Variants in LRRTM1 observed in about 807,000 individuals in gnomAD.
LRRTM1 encodes the protein leucine rich repeat transmembrane neuronal 1.
In LRRTM1, 8 loss-of-function variants were observed where a neutral mutation model predicts 37.3. The ratio of observed to expected loss-of-function variants is 0.21; its 90% CI spans 0.13 to 0.39. The LOEUF is 0.39. Among genes scored for constraint, LRRTM1 ranks in the 10% least tolerant of loss-of-function variants. The probability of loss-of-function intolerance (pLI) is 1.00; values close to 1 mark genes in which losing one functional copy is unlikely to be tolerated. For missense variants in LRRTM1, 557 were observed against 691.0 expected (o/e 0.81, Z 2.17); for synonymous variants, 326 against 316.8 (o/e 1.03, Z -0.31).
chr2:80,302,678 C>A lies in LRRTM1; in HGVS notation c.1142G>T (p.Arg381Leu). 1 of 1,611,918 alleles carries A rather than the reference C, an allele frequency of 6.2e-7. No homozygotes were observed. Among genetic ancestry groups the A allele is most frequent in the Non-Finnish European group, 8.5e-7 (1 of 1,179,696 alleles). Reference protein sequence around the residue: ...SGHLLSAVTNRSDLGPPASSA... With the variant: ...SGHLLSAVTNLSDLGPPASSA... ...GCTGGCAGGGGGCCCCAGATCACTG[C>A]GGTTGGTGACGGCCGAGAGCAGGTG... Residue 381 changes from arginine (R) to leucine (L), a missense_variant, in exon 2 of 2, where the codon CGC becomes CTC. By Grantham distance (102) the Arg-to-Leu change is moderately radical. Coordinates refer to ENST00000295057, the MANE Select transcript of LRRTM1 (RefSeq NM_178839.5). This position sits in a 1 kb window ranked among gnomAD's most constrained non-coding sequence, Gnocchi z 6.4.
chr2:80,299,459 A>G (rs1407107159), downstream of LRRTM1: 2 of 152,088 alleles, frequency 1.3e-5, no homozygotes, highest in East Asian at 3.9e-4. Flanking sequence ...TTGCTTGCCT[A>G]CAAAGACACA....
At chr2:80,300,279 GGGGTGT>G (rs755106957), downstream of LRRTM1, among the ~76,000 whole-genome samples, 9,414 of 127,966 alleles carry the variant, frequency 0.074, 390 homozygotes, top group South Asian at 0.11. Flanking sequence ...CTGGGGTGTT[GGGGTGT>G]GTGTGTGTGT....
At position 80,302,738 on chromosome 2, in the gene LRRTM1, T is replaced by C. The variant is rs1348150059; in HGVS notation, c.1082A>G (p.His361Arg). ...EDVLDAVYAF[H>R]LCEDGAEPTS... ...GGGCTCGGCCCCATCCTCGCACAGG[T>C]GGAAGGCGTACACGGCGTCCAGGAC... Residue 361 changes from histidine (H) to arginine (R), a missense_variant, in exon 2 of 2, where the codon CAC (histidine) becomes CGC (arginine). This residue lies in a region of LRRTM1 where 89 missense variants were observed against 80.7 expected (regional missense o/e 1.10). Coordinates refer to ENST00000295057, the MANE Select transcript of LRRTM1 (RefSeq NM_178839.5). This position sits in a 1 kb window ranked among gnomAD's most constrained non-coding sequence, Gnocchi z 6.4. The C allele has an allele frequency of 3.1e-6, 5 of 1,612,962 alleles. No homozygotes were observed. The highest frequency in any genetic ancestry group is 2.2e-5 in the East Asian group (1 of 44,832).
downstream of LRRTM1, chr2:80,299,345 C>T (rs1479776853): frequency 6.6e-6 from 1 of 152,074 alleles, no homozygotes; most frequent in Admixed American, 6.6e-5. Flanking sequence ...ACCACTTTCC[C>T]TTATTCCTGC....
At chr2:80,294,284 T>A (rs552965450) in intron 2 of LRRTM1, among the ~76,000 whole-genome samples, 8 of 152,198 alleles carry the variant, frequency 5.3e-5, no homozygotes, top group Non-Finnish European at 8.8e-5. Flanking sequence ...AATATAAGAA[T>A]AATTCTAAAC....
chr2:80,291,073 G>A (rs1160062987), intron 2 of LRRTM1, among the ~76,000 whole-genome samples: 1 of 152,156 alleles, frequency 6.6e-6, no homozygotes, highest in Non-Finnish European at 1.5e-5. Context: ...AACAAGGTGT[G>A]GCTTGAAACA....
At chr2:80,298,573 G>T (rs930635923), downstream of LRRTM1, 1 of 152,168 alleles carries the variant, frequency 6.6e-6, no homozygotes, top group African/African-American at 2.4e-5. Flanking sequence ...GTGTGTACTT[G>T]CTTGGAAAAC....
Position 80,302,757 on chromosome 2 carries a change from C to G in LRRTM1, c.1063G>C (p.Asp355His), listed in dbSNP as rs377040455. The G allele has an allele frequency of 6.2e-7, 1 of 1,613,078 alleles. No individual in the cohort carries two copies. The highest frequency in any genetic ancestry group is 1.3e-5 in the African/African-American group (1 of 74,934). ...PEYAQGEDVL[D>H]AVYAFHLCED... Reference sequence around the variant, plus strand: ...CACAGGTGGAAGGCGTACACGGCGTCCAGGACGTCCTCGCCCTGTGCGTAC... The same window carrying G: ...CACAGGTGGAAGGCGTACACGGCGTGCAGGACGTCCTCGCCCTGTGCGTAC... Residue 355 changes from aspartate to histidine, a missense_variant, in exon 2 of 2, where the codon GAC becomes CAC. Transcript: ENST00000295057. This position sits in a 1 kb window ranked among gnomAD's most constrained non-coding sequence, Gnocchi z 6.4.
At chr2:80,292,635 A>T (rs1054493538) in intron 2 of LRRTM1, among the ~76,000 whole-genome samples, 1 of 152,206 alleles carries the variant, frequency 6.6e-6, no homozygotes, top group African/African-American at 2.4e-5. Context: ...CCTCTTCTGC[A>T]TACTCTCATG....
At chr2:80,289,216 A>C (rs561562613) in intron 2 of LRRTM1, 2 of 152,126 alleles carry the variant, frequency 1.3e-5, no homozygotes, top group Non-Finnish European at 2.9e-5. Flanking sequence ...CCATAATATT[A>C]AAATAAATAA....
intron 2 of LRRTM1, among the ~76,000 whole-genome samples, chr2:80,293,964 G>T (rs560692114): frequency 2.6e-5 from 4 of 152,162 alleles, no homozygotes; most frequent in African/African-American, 9.7e-5. Flanking sequence ...GTAACTGCAG[G>T]ACTTCAGTGG....
rs1440019727 is a variant in LRRTM1 at position 80,302,381 on chromosome 2, A to G, written c.1439T>C (p.Met480Thr). The stretch of plus-strand genomic sequence containing the variant: ...GTATTCCTGGGCAGACATGGCAGCC[A>G]TCTGATGCATGGTCTGTTTCTGCTT... ...KQKQKQTMHQ[M>T]AAMSAQEYYV... Residue 480 changes from methionine to threonine, a missense_variant, in exon 2 of 2, where the codon ATG becomes ACG. By Grantham distance (81) the Met-to-Thr change is moderately conservative. This residue lies in a region of LRRTM1 where 90 missense variants were observed against 149.4 expected (regional missense o/e 0.60). Coordinates refer to ENST00000295057, the MANE Select transcript of LRRTM1 (RefSeq NM_178839.5). This position sits in a 1 kb window ranked among gnomAD's most constrained non-coding sequence, Gnocchi z 6.4. The G allele has an allele frequency of 2.5e-6, 4 of 1,614,242 alleles. No individual in the cohort carries two copies. Among genetic ancestry groups the G allele is most frequent in the African/African-American group, 1.3e-5 (1 of 75,070 alleles).
chr2:80,301,786 G>T (rs1271159687), downstream of LRRTM1: 1 of 149,912 alleles, frequency 6.7e-6, no homozygotes, highest in Non-Finnish European at 1.5e-5. Flanking sequence ...CTGGCCCCTG[G>T]ACAACTCCCT....
intron 2 of LRRTM1, among the ~76,000 whole-genome samples, chr2:80,291,185 T>C (rs1675206048): frequency 6.6e-6 from 1 of 152,218 alleles, no homozygotes; most frequent in Non-Finnish European, 1.5e-5. Flanking sequence ...TCTAAAGACG[T>C]TGGAGTCTTT....
chr2:80,291,768 C>T (rs1675274162), intron 2 of LRRTM1, among the ~76,000 whole-genome samples: 1 of 152,156 alleles, frequency 6.6e-6, no homozygotes, highest in Non-Finnish European at 1.5e-5. Context: ...CACCAGAAGG[C>T]CCTTGTAGCT....
Position 80,302,176 on chromosome 2 carries a change from A to T in LRRTM1, c.*75T>A. ...ATCAGAGCACAGACAAGGAGACCCC[A>T]GCCTGGTGCCCGCCGGCCCGTCCCG... On this transcript the variant is annotated 3_prime_UTR_variant, in exon 2 of 2. Transcript: ENST00000295057. The surrounding 1 kb of genome is among the most constrained non-coding windows in gnomAD (Gnocchi z 6.4). The T allele has an allele frequency of 6.5e-7, 1 of 1,547,658 alleles. No individual in the cohort carries two copies. Among genetic ancestry groups the T allele is most frequent in the East Asian group, 2.3e-5 (1 of 44,182 alleles).
chr2:80,303,648 T>C lies in LRRTM1; in HGVS notation c.172A>G (p.Thr58Ala). 1 of 1,613,200 alleles carries C rather than the reference T, an allele frequency of 6.2e-7. No individual in the cohort carries two copies. Among genetic ancestry groups the C allele is most frequent in the Non-Finnish European group, 8.5e-7 (1 of 1,179,566 alleles). ...RLLYCEALNLTEAPHNLSGLL... is the reference protein window; with the variant it reads ...RLLYCEALNLAEAPHNLSGLL... Reference sequence around the variant, plus strand: ...CCGGACAGGTTGTGGGGCGCCTCGGTGAGGTTGAGCGCCTCGCAGTACAGC... The same window carrying C: ...CCGGACAGGTTGTGGGGCGCCTCGGCGAGGTTGAGCGCCTCGCAGTACAGC... Residue 58 changes from threonine (T) to alanine (A), a missense_variant, in exon 2 of 2, where the codon ACC (threonine) becomes GCC (alanine). This residue lies in a region of LRRTM1 where 140 missense variants were observed against 138.1 expected (regional missense o/e 1.01). Transcript: ENST00000295057. The surrounding 1 kb of genome is among the most constrained non-coding windows in gnomAD (Gnocchi z 7.7).
At chr2:80,299,178 A>G (rs896899037), downstream of LRRTM1, 1 of 152,114 alleles carries the variant, frequency 6.6e-6, no homozygotes, top group Non-Finnish European at 1.5e-5. Flanking sequence ...CCTCTGTGGG[A>G]AGAATAAAAA....
chr2:80,297,946 A>G (rs911797515), downstream of LRRTM1, among the ~76,000 whole-genome samples: 2 of 152,036 alleles, frequency 1.3e-5, no homozygotes, highest in Admixed American at 1.3e-4. Context: ...AGGTAGTTAC[A>G]TAATGGTCAC....
Sources: allele counts gnomAD v4.1 joint callset (sites outside exome capture counted in the v4.1 genomes callset), GRCh38; gene constraint gnomAD v4.1.1; regional missense constraint gnomAD v4.1.1; non-coding constraint Gnocchi (gnomAD v3.1); transcripts MANE v1.5; gene names NCBI Gene and HGNC (gene_info 2026-07-23, HGNC 2026-07-21).